The following USP7 variants were observed in gnomAD, a reference collection of about 807,000 sequenced individuals.
USP7 encodes ubiquitin specific peptidase 7.
USP7 carries 9 observed loss-of-function variants against 162.9 expected under a neutral mutation model. That is an observed-to-expected ratio of 0.06 (90% CI 0.03 to 0.10). The LOEUF (loss-of-function observed/expected upper bound fraction) is 0.10. Ranked by LOEUF, USP7 falls within the 10% of genes least tolerant of loss-of-function variation. USP7 has a pLI of 1.00. For synonymous variants in USP7, 562 were observed against 475.9 expected, an observed-to-expected ratio of 1.18 and a Z score of -2.35; for missense variants, 715 against 1,373.7, an observed-to-expected ratio of 0.52 and a Z score of 7.58.
intron 11 of USP7, 122 bp from the exon 12 acceptor site, chr16:8,908,572 A>AGTTTAGGTGTCC: frequency 1.3e-6 from 1 of 748,478 alleles, no homozygotes; most frequent in Non-Finnish European, 2.2e-6. Context: ...AAGGCAGGGA[A>AGTTTAGGTGTCC]GTTTAGGTGT....
intron 1 of USP7, among the ~76,000 whole-genome samples, chr16:8,950,065 G>C (rs944831197): frequency 3.3e-5 from 5 of 152,240 alleles, no homozygotes; most frequent in Admixed American, 2.0e-4. Context: ...TGTTGTGACA[G>C]AGGAATTGGT....
intron 13 of USP7, among the ~76,000 whole-genome samples, 194 bp from the exon 14 acceptor site, chr16:8,905,525 C>T (rs1182695367): frequency 6.6e-6 from 1 of 152,242 alleles, no homozygotes; most frequent in African/African-American, 2.4e-5. Flanking sequence ...TCCGCTCATA[C>T]AATTCACCAG....
chr16:8,915,324 T>C lies in USP7; in HGVS notation c.1008A>G (p.Glu336=). 6.2e-7 allele frequency: 1 copy of C among 1,613,294 alleles called. No individual in the cohort carries two copies. Among genetic ancestry groups the C allele is most frequent in the Non-Finnish European group, 8.5e-7 (1 of 1,179,820 alleles). Residue 336 remains glutamate, a synonymous_variant, in exon 10 of 31, where the codon GAA becomes GAG. Transcript: ENST00000344836. ...CTCTTCTATCAGACCGATAGTCTAC[T>C]TCTTTACACTGGATATAGGACTGCA... ...GKMVSYIQCK[E]VDYRSDRRED...
At position 8,922,721 on chromosome 16, in the gene USP7, A is replaced by G. The variant is rs537725532; in HGVS notation, c.383+494T>C. 2.0e-5 allele frequency among the ~76,000 whole-genome samples: 3 copies of G among 152,388 alleles called. 1 individual carries two copies. Among genetic ancestry groups the G allele is most frequent in the South Asian group, 4.1e-4 (2 of 4,832 alleles). On this transcript the variant is annotated intron_variant, in intron 3 of 30. Coordinates refer to ENST00000344836, the MANE Select transcript of USP7 (RefSeq NM_003470.3). ...AATTAATTTTCTAATTCATCTAAAT[A>G]GAAGGACCATCAAGATTTCTCAGTT...
chr16:8,900,138 G>C (rs1054143160), intron 21 of USP7: 1 of 360,606 alleles, frequency 2.8e-6, no homozygotes, highest in African/African-American at 2.1e-5. Flanking sequence ...GTGTGCCATC[G>C]AGCCACTTTC....
chr16:8,960,188 C>A (rs1024790051), intron 1 of USP7, among the ~76,000 whole-genome samples: 3 of 152,168 alleles, frequency 2.0e-5, no homozygotes, highest in African/African-American at 7.2e-5. Context: ...CCTAATCATG[C>A]CACCACCTCC....
intron 2 of USP7, among the ~76,000 whole-genome samples, chr16:8,928,775 G>A (rs1898157752): frequency 6.6e-6 from 1 of 152,124 alleles, no homozygotes; most frequent in East Asian, 1.9e-4. Context: ...CCACTTTCGG[G>A]TCCTATGGCG....
chr16:8,902,025 A>C, intron 18 of USP7, 57 bp downstream of exon 18: 1 of 1,429,756 alleles, frequency 7.0e-7, no homozygotes, highest in Non-Finnish European at 9.8e-7. Context: ...TAGAACAACA[A>C]TCCAGGAATC....
At chr16:8,933,941 G>C (rs1898530829) in intron 1 of USP7, among the ~76,000 whole-genome samples, 1 of 151,986 alleles carries the variant, frequency 6.6e-6, no homozygotes, top group African/African-American at 2.4e-5. Flanking sequence ...ATTTTTAGTA[G>C]AGACAGGGTT....
Position 8,905,314 on chromosome 16 carries a change from G to A in USP7, c.1446C>T (p.Asp482=), listed in dbSNP as rs201116842. 63 of 1,614,102 alleles carry A rather than the reference G, an allele frequency of 3.9e-5. 1 individual carries two copies. The highest frequency in any genetic ancestry group is 2.6e-4 in the South Asian group (24 of 91,080). The part of the protein sequence containing the change: ...KGDGKWCKFD[D]DVVSRCTKEE... ...CTTTAGTACACCTTGACACCACGTCGTCATCAAATTTACACCACTGCAAGG... is the reference window on the plus strand; with the variant it reads ...CTTTAGTACACCTTGACACCACGTCATCATCAAATTTACACCACTGCAAGG... Residue 482 remains aspartate, a synonymous_variant, in exon 14 of 31, where the codon GAC becomes GAT. Coordinates refer to ENST00000344836, the MANE Select transcript of USP7 (RefSeq NM_003470.3).
intron 10 of USP7, among the ~76,000 whole-genome samples, chr16:8,913,498 A>G (rs961576209): frequency 1.3e-5 from 2 of 152,044 alleles, no homozygotes; most frequent in Non-Finnish European, 2.9e-5. Flanking sequence ...GAGGCGAGCA[A>G]GAAGACGGTA....
rs546752149 is a variant in USP7, at chr16:8,927,484, A to G, written c.184+2809T>C. On this transcript the variant is annotated intron_variant, in intron 2 of 30. Coordinates refer to ENST00000344836, the MANE Select transcript of USP7 (RefSeq NM_003470.3). ...TTGCAAGTCCTAGTCAATCCCCACA[A>G]ATTAGTTTCATGGAGAACAACATTC... 3.3e-5 allele frequency among the ~76,000 whole-genome samples: 5 copies of G among 152,144 alleles called. No homozygotes were observed. In the South Asian group the frequency reaches 1.0e-3, roughly 32 times the overall value.
At chr16:8,896,595 T>A (rs774992818) in intron 26 of USP7, among the ~76,000 whole-genome samples, 1 of 152,162 alleles carries the variant, frequency 6.6e-6, no homozygotes, top group Admixed American at 6.5e-5. Context: ...ATCTGTCAAA[T>A]ACAAAATCAG....
chr16:8,938,789 CAATA>C (rs1047884987), intron 1 of USP7, among the ~76,000 whole-genome samples: 1 of 151,712 alleles, frequency 6.6e-6, no homozygotes, highest in Non-Finnish European at 1.5e-5. Flanking sequence ...ATTCCCAAAA[CAATA>C]GTCTACCAAC....
At chr16:8,903,462 C>A in intron 15 of USP7, 60 bp from the exon 16 acceptor site, 10 of 1,564,866 alleles carry the variant, frequency 6.4e-6, no homozygotes, top group Non-Finnish European at 5.2e-6. Context: ...TGAGTCCACA[C>A]TGAACACATT....
intron 1 of USP7, chr16:8,935,986 T>C (rs1030487550): frequency 2.6e-5 from 4 of 152,200 alleles, no homozygotes; most frequent in East Asian, 1.9e-4. Context: ...AAGATTCCAA[T>C]TGGCTGGCTT....
chr16:8,944,208 A>G (rs961926650), intron 1 of USP7, among the ~76,000 whole-genome samples: 2 of 148,952 alleles, frequency 1.3e-5, no homozygotes, highest in African/African-American at 5.1e-5. Flanking sequence ...AACAAAAGCA[A>G]AAATACGCAG....
chr16:8,946,414 C>T (rs1899281972), intron 1 of USP7, among the ~76,000 whole-genome samples: 1 of 152,100 alleles, frequency 6.6e-6, no homozygotes, highest in African/African-American at 2.4e-5. Flanking sequence ...AACCGCATCT[C>T]TAAATAAAGA....
chr16:8,951,844 C>A (rs1899568491), intron 1 of USP7, among the ~76,000 whole-genome samples: 3 of 152,226 alleles, frequency 2.0e-5, no homozygotes, highest in African/African-American at 4.8e-5. Context: ...ACAAAGGAAG[C>A]AATCTACCAA....
Sources: allele counts gnomAD v4.1 joint callset (sites outside exome capture counted in the v4.1 genomes callset), GRCh38; gene constraint gnomAD v4.1.1; transcripts MANE v1.5; gene names NCBI Gene and HGNC (gene_info 2026-07-23, HGNC 2026-07-21).